DENND4C: variants seen among roughly 807,000 people sequenced by gnomAD.
DENND4C encodes the protein DENN domain containing 4C, also known as DENN domain-containing protein 4C.
In DENND4C, 108 loss-of-function variants were observed where a neutral mutation model predicts 203.0. The observed-to-expected ratio is 0.53, with a 90% CI of 0.46 to 0.62. DENND4C has a LOEUF of 0.62. Among genes scored for constraint, DENND4C ranks in the 20% least tolerant of loss-of-function variants. The probability of loss-of-function intolerance (pLI) is 0.00; values close to 1 mark genes in which losing one functional copy is unlikely to be tolerated. For synonymous variants in DENND4C, 871 were observed against 792.4 expected, an observed-to-expected ratio of 1.10 and a Z score of -1.67; for missense variants, 2,481 against 2,301.2, an observed-to-expected ratio of 1.08 and a Z score of -1.60.
rs541445130 is a variant in DENND4C at position 19,231,540 on chromosome 9, C to A, written c.-18+707C>A. Among the ~76,000 whole-genome samples, 103 of 151,386 alleles carry A rather than the reference C, an allele frequency of 6.8e-4. 1 individual carries two copies. Among genetic ancestry groups the A allele is most frequent in the African/African-American group, 2.4e-3 (99 of 41,206 alleles). On this transcript the variant is annotated intron_variant, in intron 1 of 32. Transcript: ENST00000434457. ...TTTTTCTGTTTTAAGAATGCTGTCA[C>A]GTCTTTTTTTTTTTCCTCCCCTTTT... is the stretch of plus-strand genomic sequence containing the variant.
chr9:19,336,932 T>A, intron 20 of DENND4C, 100 bp downstream of exon 20: 1 of 1,169,060 alleles, frequency 8.6e-7, no homozygotes, highest in Non-Finnish European at 1.2e-6. Flanking sequence ...GTGATATGAC[T>A]ACTTTAAAAG....
chr9:19,231,187 G>C (rs1306717916), intron 1 of DENND4C, among the ~76,000 whole-genome samples: 1 of 152,230 alleles, frequency 6.6e-6, no homozygotes. Flanking sequence ...CCGCTTTGGT[G>C]GGGGCCGGGG....
At chr9:19,342,262 C>T (rs536689664) in intron 21 of DENND4C, among the ~76,000 whole-genome samples, 34 of 152,112 alleles carry the variant, frequency 2.2e-4, no homozygotes, top group African/African-American at 7.5e-4. Flanking sequence ...GACACTCTTC[C>T]TGTTCTCTAT....
At chr9:19,287,371 A>C (rs189545101) in intron 3 of DENND4C, among the ~76,000 whole-genome samples, 48 of 151,978 alleles carry the variant, frequency 3.2e-4, no homozygotes, top group Non-Finnish European at 6.6e-4. Context: ...TCATTCATTC[A>C]TTTGTTTGCT....
At chr9:19,360,518 A>C in intron 29 of DENND4C, 29 bp downstream of exon 29, 1 of 1,613,222 alleles carries the variant, frequency 6.2e-7, no homozygotes, top group South Asian at 1.1e-5. Context: ...TACTTACATT[A>C]GTATTCAGTA....
intron 9 of DENND4C, among the ~76,000 whole-genome samples, chr9:19,305,099 G>T (rs533563315): frequency 5.3e-4 from 81 of 152,042 alleles, no homozygotes; most frequent in African/African-American, 1.9e-3. Flanking sequence ...GATACTAGAA[G>T]AATTAACATG....
chr9:19,356,197 T>G (rs1227763689), intron 26 of DENND4C, among the ~76,000 whole-genome samples: 2 of 152,168 alleles, frequency 1.3e-5, no homozygotes, highest in African/African-American at 4.8e-5. Context: ...TCTTAAATTT[T>G]TATTCATTTG....
Position 19,249,751 on chromosome 9 carries a change from C to T in DENND4C, c.-18+18918C>T, listed in dbSNP as rs562877385. ...ACAGGCTATAATGCAGTGGCACTTACGGCTCAAACAATCCTCTTGCCTCAG... is the reference window on the plus strand; with the variant it reads ...ACAGGCTATAATGCAGTGGCACTTATGGCTCAAACAATCCTCTTGCCTCAG... On this transcript the variant is annotated intron_variant, in intron 1 of 32. Coordinates refer to ENST00000434457, the MANE Select transcript of DENND4C (RefSeq NM_001330640.2). Among the ~76,000 whole-genome samples, 9 of 152,032 alleles carry T rather than the reference C, an allele frequency of 5.9e-5. No individual in the cohort carries two copies. The South Asian group carries it at 6.3e-4, about 11-fold the overall frequency.
At chr9:19,352,414 C>G in intron 25 of DENND4C, 76 bp from the exon 26 acceptor site, 1 of 1,389,504 alleles carries the variant, frequency 7.2e-7, no homozygotes, top group South Asian at 1.6e-5. Flanking sequence ...AAAAAAAATC[C>G]CATTATCTCA....
intron 26 of DENND4C, among the ~76,000 whole-genome samples, chr9:19,354,072 T>G (rs1824802483): frequency 6.6e-6 from 1 of 152,190 alleles, no homozygotes; most frequent in African/African-American, 2.4e-5. Context: ...ACGAAGACAC[T>G]GACTCTGCTA....
At chr9:19,348,802 A>AT (rs1554641941) in intron 23 of DENND4C, among the ~76,000 whole-genome samples, 2 of 152,036 alleles carry the variant, frequency 1.3e-5, no homozygotes, top group East Asian at 1.9e-4. Context: ...GAAAAAAAAA[A>AT]GTGTATCATT....
At chr9:19,325,834 G>A in intron 13 of DENND4C, 105 bp from the exon 14 acceptor site, 1 of 1,010,962 alleles carries the variant, frequency 9.9e-7, no homozygotes, top group South Asian at 1.4e-5. Context: ...GTATCAGCTG[G>A]TACTGAAAAG....
chr9:19,286,683 C>T (rs1020340227), intron 2 of DENND4C, 86 bp from the exon 3 acceptor site: 1 of 1,163,318 alleles, frequency 8.6e-7, no homozygotes, highest in Non-Finnish European at 1.1e-6. Context: ...CCAGCATTAA[C>T]CTGAAATGCA....
At chr9:19,352,962 T>C (rs1175889653) in intron 26 of DENND4C, among the ~76,000 whole-genome samples, 2 of 151,944 alleles carry the variant, frequency 1.3e-5, no homozygotes, top group Non-Finnish European at 2.9e-5. Context: ...GGCAAGACCC[T>C]GTCTCTACAA....
intron 20 of DENND4C, among the ~76,000 whole-genome samples, chr9:19,339,074 G>C (rs1445824788): frequency 2.6e-5 from 4 of 152,120 alleles, no homozygotes; most frequent in African/African-American, 9.7e-5. Flanking sequence ...CTTTTATCTA[G>C]ATTCCCTTGT....
At chr9:19,341,182 C>T (rs931564407) in intron 21 of DENND4C, 68 bp downstream of exon 21, 4 of 1,268,126 alleles carry the variant, frequency 3.2e-6, no homozygotes, top group African/African-American at 1.6e-5. Flanking sequence ...AAAAGTTTAT[C>T]TTAGTTGATA....
chr9:19,274,336 C>T (rs1184059317), intron 1 of DENND4C, among the ~76,000 whole-genome samples: 2 of 151,646 alleles, frequency 1.3e-5, no homozygotes, highest in African/African-American at 4.9e-5. Context: ...GCTCTTGTTG[C>T]CCAGGCTGGA....
chr9:19,258,549 T>C (rs1430473823), intron 1 of DENND4C, among the ~76,000 whole-genome samples: 1 of 152,130 alleles, frequency 6.6e-6, no homozygotes, highest in Non-Finnish European at 1.5e-5. Flanking sequence ...AACTTGAAAA[T>C]CAATGTAATT....
intron 29 of DENND4C, among the ~76,000 whole-genome samples, chr9:19,361,073 C>G (rs768019234): frequency 1.3e-5 from 2 of 152,062 alleles, no homozygotes; most frequent in South Asian, 4.1e-4. Context: ...GGGATTTTAC[C>G]AGGCTGGTTT....
Sources: allele counts gnomAD v4.1 joint callset (sites outside exome capture counted in the v4.1 genomes callset), GRCh38; gene constraint gnomAD v4.1.1; transcripts MANE v1.5; gene names NCBI Gene and HGNC (gene_info 2026-07-23, HGNC 2026-07-21).